The following PCSK2 variants were observed in gnomAD, a reference collection of about 807,000 sequenced individuals.
The protein encoded by PCSK2 is proprotein convertase subtilisin/kexin type 2, also known as neuroendocrine convertase 2.
A neutral mutation model predicts 69.7 loss-of-function variants in PCSK2; 14 were observed. The ratio of observed to expected loss-of-function variants is 0.20; its 90% CI spans 0.13 to 0.31. The LOEUF is 0.31. Among genes scored for constraint, PCSK2 ranks in the 10% least tolerant of loss-of-function variants. PCSK2 has a pLI of 1.00. For synonymous variants in PCSK2, 307 were observed against 320.7 expected (o/e 0.96, Z 0.46); for missense variants, 544 against 842.5 (o/e 0.65, Z 4.39).
upstream of PCSK2, chr20:17,226,851 C>A (rs1372578322): frequency 1.3e-5 from 1 of 79,408 alleles, no homozygotes; most frequent in African/African-American, 4.9e-5. Flanking sequence ...GCGGCCGGGC[C>A]GGGCCGGGCC....
intron 2 of PCSK2, among the ~76,000 whole-genome samples, chr20:17,345,669 G>A (rs1013173400): frequency 1.3e-5 from 2 of 152,182 alleles, no homozygotes; most frequent in African/African-American, 2.4e-5. Flanking sequence ...CTCAGAACAT[G>A]CACAAATCAG....
chr20:17,257,407 G>A (rs1253708984), intron 1 of PCSK2, among the ~76,000 whole-genome samples: 2 of 152,154 alleles, frequency 1.3e-5, no homozygotes, highest in Non-Finnish European at 2.9e-5. Flanking sequence ...ATTTGACCCA[G>A]CAATCCCATT....
chr20:17,385,380 G>A (rs1482459406), intron 5 of PCSK2, among the ~76,000 whole-genome samples: 2 of 152,226 alleles, frequency 1.3e-5, no homozygotes, highest in Non-Finnish European at 2.9e-5. Context: ...TTTGAGAGCT[G>A]AGAAAATTGA....
intron 1 of PCSK2, 58 bp from the exon 2 acceptor site, chr20:17,260,176 GTGTCCC>G: frequency 1.0e-6 from 1 of 1,000,708 alleles, no homozygotes; most frequent in East Asian, 2.4e-5. Flanking sequence ...CCCAGCTTTG[GTGTCCC>G]TGTCCCTGGG....
chr20:17,271,633 G>C (rs1987870515), intron 2 of PCSK2, among the ~76,000 whole-genome samples: 1 of 152,032 alleles, frequency 6.6e-6, no homozygotes, highest in Non-Finnish European at 1.5e-5. Flanking sequence ...TGGTGAACCT[G>C]AGTGTACACA....
chr20:17,401,851 T>A (rs2031644183), intron 5 of PCSK2, among the ~76,000 whole-genome samples: 1 of 152,178 alleles, frequency 6.6e-6, no homozygotes, highest in African/African-American at 2.4e-5. Flanking sequence ...CAAATAACAA[T>A]GTAAATTTTT....
chr20:17,370,985 A>G (rs747811738), intron 5 of PCSK2, among the ~76,000 whole-genome samples: 3 of 152,178 alleles, frequency 2.0e-5, no homozygotes, highest in Non-Finnish European at 2.9e-5. Context: ...CTCTGCAGAC[A>G]GAGGCATTGA....
intron 4 of PCSK2, among the ~76,000 whole-genome samples, chr20:17,360,880 A>C (rs2030369462): frequency 6.6e-6 from 1 of 152,162 alleles, no homozygotes. Context: ...ACAAATGAAT[A>C]AATGAAAGCT....
intron 11 of PCSK2, among the ~76,000 whole-genome samples, chr20:17,474,694 C>A (rs901613543): frequency 6.6e-6 from 1 of 152,178 alleles, no homozygotes; most frequent in Non-Finnish European, 1.5e-5. Flanking sequence ...AACACACCGG[C>A]CCTTGTTGTT....
intron 2 of PCSK2, among the ~76,000 whole-genome samples, chr20:17,355,680 G>A (rs568626237): frequency 2.5e-5 from 2 of 78,984 alleles, no homozygotes; most frequent in African/African-American, 9.3e-5. Context: ...CACACAGAGA[G>A]AGAGCTATGG....
At chr20:17,231,320 C>A (rs79522417) in intron 1 of PCSK2, among the ~76,000 whole-genome samples, 1 of 152,116 alleles carries the variant, frequency 6.6e-6, no homozygotes, top group African/African-American at 2.4e-5. Flanking sequence ...AATTTCTGGT[C>A]GCTTCACTTT....
At chr20:17,433,830 TC>T (rs2032423359) in intron 7 of PCSK2, among the ~76,000 whole-genome samples, 1 of 42,090 alleles carries the variant, frequency 2.4e-5, no homozygotes, top group Non-Finnish European at 4.8e-5. Flanking sequence ...CTTCCTTCCC[TC>T]CTCCTCCTCC....
chr20:17,300,192 A>G (rs1169200787), intron 2 of PCSK2, among the ~76,000 whole-genome samples: 1 of 152,214 alleles, frequency 6.6e-6, no homozygotes, highest in African/African-American at 2.4e-5. Context: ...GGCAGCCATG[A>G]GTTAGCCCCA....
chr20:17,387,255 A>G (rs2031260196), intron 5 of PCSK2, among the ~76,000 whole-genome samples: 1 of 152,240 alleles, frequency 6.6e-6, no homozygotes, highest in African/African-American at 2.4e-5. Flanking sequence ...CAGAAACTGT[A>G]GTATATTAGT....
chr20:17,367,613 G>A (rs1448561315), intron 4 of PCSK2, among the ~76,000 whole-genome samples: 2 of 152,196 alleles, frequency 1.3e-5, no homozygotes, highest in African/African-American at 4.8e-5. Flanking sequence ...TTTGTTTGTT[G>A]TTTCCTTTTA....
intron 2 of PCSK2, among the ~76,000 whole-genome samples, chr20:17,321,563 A>G (rs1170963023): frequency 2.0e-5 from 3 of 152,334 alleles, no homozygotes; most frequent in Middle Eastern, 6.8e-3. Flanking sequence ...AAATCAGGTA[A>G]TGATAAGTAC....
intron 6 of PCSK2, among the ~76,000 whole-genome samples, chr20:17,426,300 G>A (rs574320299): frequency 6.6e-6 from 1 of 152,272 alleles, no homozygotes; most frequent in East Asian, 1.9e-4. Flanking sequence ...GTGAAGAGGT[G>A]CCTTCCACCA....
In PCSK2 at chr20:17,453,992, G is replaced by T; in HGVS notation, c.1101+35G>T. 6.2e-7 allele frequency: 1 copy of T among 1,611,858 alleles called. No homozygotes were observed. Among genetic ancestry groups the T allele is most frequent in the Non-Finnish European group, 8.5e-7 (1 of 1,179,096 alleles). On this transcript the variant is annotated intron_variant, in intron 9 of 11. Transcript: ENST00000262545. This position sits in a 1 kb window ranked among gnomAD's most constrained non-coding sequence, Gnocchi z 4.0. ...TCCCCTTCTGTCCTTGTTTCCTTAG[G>T]GCCACTGCACCTCTGTGTCAGGGTG...
chr20:17,333,076 T>C (rs1990245762), intron 2 of PCSK2, among the ~76,000 whole-genome samples: 1 of 152,074 alleles, frequency 6.6e-6, no homozygotes. Context: ...TTCCCAATGT[T>C]CACAACTGAA....
Sources: allele counts gnomAD v4.1 joint callset (sites outside exome capture counted in the v4.1 genomes callset), GRCh38; gene constraint gnomAD v4.1.1; non-coding constraint Gnocchi (gnomAD v3.1); transcripts MANE v1.5; gene names NCBI Gene and HGNC (gene_info 2026-07-23, HGNC 2026-07-21).